Variants in CDH18 observed in about 807,000 individuals in gnomAD.
CDH18 encodes cadherin 18, also known as cadherin-18.
In CDH18, 31 loss-of-function variants were observed where a neutral mutation model predicts 67.9. The ratio of observed to expected loss-of-function variants is 0.46; its 90% CI spans 0.34 to 0.62. The LOEUF is 0.62. Ranked by LOEUF, CDH18 falls within the 20% of genes least tolerant of loss-of-function variation. The pLI is 0.01. For synonymous variants in CDH18, 362 were observed against 347.2 expected (o/e 1.04, Z -0.48); for missense variants, 890 against 975.5 (o/e 0.91, Z 1.17).
intron 3 of CDH18, among the ~76,000 whole-genome samples, chr5:19,748,045 G>T (rs1057030982): frequency 7.3e-6 from 1 of 136,660 alleles, no homozygotes; most frequent in East Asian, 2.3e-4. Flanking sequence ...CCTGGGAGGC[G>T]GAGCTTGCAG....
At chr5:19,524,838 C>T (rs572145178) in intron 9 of CDH18, among the ~76,000 whole-genome samples, 1 of 152,190 alleles carries the variant, frequency 6.6e-6, no homozygotes, top group Non-Finnish European at 1.5e-5. Flanking sequence ...CTCCGCCTCC[C>T]GGGTTCACGC....
At chr5:20,471,833 TA>T (rs70954659) in intron 1 of CDH18, among the ~76,000 whole-genome samples, 830 of 51,476 alleles carry the variant, frequency 0.016, 23 homozygotes, top group African/African-American at 0.044. Context: ...AGATTCAGTC[TA>T]AAAAAAAAAA....
chr5:20,387,928 T>C (rs1051638531), intron 1 of CDH18, among the ~76,000 whole-genome samples: 8 of 152,142 alleles, frequency 5.3e-5, no homozygotes, highest in Non-Finnish European at 1.2e-4. Flanking sequence ...CACTTGATCA[T>C]GGTGGATAAG....
intron 3 of CDH18, among the ~76,000 whole-genome samples, chr5:19,788,585 GTCCTA>G (rs1776049634): frequency 6.6e-6 from 1 of 152,062 alleles, no homozygotes; most frequent in Non-Finnish European, 1.5e-5. Context: ...CATCTCATAT[GTCCTA>G]TTGGCTTTCA....
chr5:19,801,204 C>A (rs1366746390), intron 3 of CDH18, among the ~76,000 whole-genome samples: 1 of 152,090 alleles, frequency 6.6e-6, no homozygotes, highest in East Asian at 1.9e-4. Context: ...TTTCCTTTAA[C>A]AGTATCTTTT....
upstream of CDH18, among the ~76,000 whole-genome samples, chr5:19,991,299 G>C (rs1438143905): frequency 6.6e-6 from 1 of 152,076 alleles, no homozygotes; most frequent in Non-Finnish European, 1.5e-5. Flanking sequence ...CAAACATGGT[G>C]CATTGGCTCA....
chr5:19,842,683 G>A (rs182102627), intron 2 of CDH18, among the ~76,000 whole-genome samples: 1 of 152,244 alleles, frequency 6.6e-6, no homozygotes, highest in Non-Finnish European at 1.5e-5. Flanking sequence ...AAGTGACTTT[G>A]GAACTAGATA....
intron 2 of CDH18, among the ~76,000 whole-genome samples, chr5:19,911,545 G>A (rs747587177): frequency 1.4e-4 from 22 of 151,848 alleles, no homozygotes; most frequent in Non-Finnish European, 2.6e-4. Context: ...AGGTTATGAC[G>A]GTGATGTTCC....
At chr5:19,962,288 T>C (rs1796984201) in intron 2 of CDH18, among the ~76,000 whole-genome samples, 1 of 150,068 alleles carries the variant, frequency 6.7e-6, no homozygotes, top group South Asian at 2.1e-4. Context: ...GCTAATCAGA[T>C]TTACTATTTA....
chr5:20,319,878 TG>T (rs1482005898), intron 1 of CDH18, among the ~76,000 whole-genome samples: 1 of 152,224 alleles, frequency 6.6e-6, no homozygotes, highest in Non-Finnish European at 1.5e-5. Flanking sequence ...ACTCCTGGTT[TG>T]GTACTCTAAT....
At chr5:19,617,755 T>C (rs1379814632) in intron 5 of CDH18, among the ~76,000 whole-genome samples, 1 of 152,166 alleles carries the variant, frequency 6.6e-6, no homozygotes, top group Non-Finnish European at 1.5e-5. Context: ...AGGTGCCCGA[T>C]TGCCTGCAAA....
chr5:20,368,826 C>T (rs184218613), intron 1 of CDH18, among the ~76,000 whole-genome samples: 1 of 152,214 alleles, frequency 6.6e-6, no homozygotes, highest in East Asian at 1.9e-4. Context: ...ATTCATTGCC[C>T]TCCATCTGTG....
intron 1 of CDH18, among the ~76,000 whole-genome samples, chr5:20,560,570 A>C (rs1055921539): frequency 6.6e-6 from 1 of 151,844 alleles, no homozygotes; most frequent in African/African-American, 2.4e-5. Flanking sequence ...AGAGATTCAG[A>C]GTGGAGAAAT....
At chr5:19,821,135 T>A (rs73761832) in intron 3 of CDH18, among the ~76,000 whole-genome samples, 1,659 of 152,144 alleles carry the variant, frequency 0.011, 30 homozygotes, top group African/African-American at 0.038. Context: ...GACATAGGAT[T>A]CAGAGTTTGG....
intron 2 of CDH18, among the ~76,000 whole-genome samples, chr5:20,095,044 C>T (rs1745769747): frequency 2.0e-5 from 3 of 151,876 alleles, no homozygotes. Flanking sequence ...TCTCAGCAAA[C>T]TAACACAGGG....
At chr5:19,552,157 C>T (rs1443795099) in intron 8 of CDH18, among the ~76,000 whole-genome samples, 2 of 152,220 alleles carry the variant, frequency 1.3e-5, no homozygotes, top group African/African-American at 2.4e-5. Context: ...TTCTTAATGT[C>T]ATCCTTCATA....
intron 1 of CDH18, among the ~76,000 whole-genome samples, chr5:20,297,396 G>C (rs1226456744): frequency 6.6e-6 from 1 of 152,204 alleles, no homozygotes; most frequent in Non-Finnish European, 1.5e-5. Context: ...AATTCAGCAA[G>C]TCTGACACCA....
chr5:20,280,686 A>G (rs1448223028), intron 1 of CDH18, among the ~76,000 whole-genome samples: 1 of 152,184 alleles, frequency 6.6e-6, no homozygotes, highest in East Asian at 1.9e-4. Context: ...ATGTGTTTTT[A>G]TAGCAGCATG....
At chr5:20,153,966 A>G (rs1466432310) in intron 2 of CDH18, among the ~76,000 whole-genome samples, 1 of 152,198 alleles carries the variant, frequency 6.6e-6, no homozygotes, top group African/African-American at 2.4e-5. Context: ...TACACATGAC[A>G]TATGTGCACA....
Sources: gnomAD v4.1 joint callset for allele counts (sites outside exome capture counted in the v4.1 genomes callset) on GRCh38, gnomAD v4.1.1 for gene constraint, MANE v1.5 for transcripts, NCBI Gene and HGNC (gene_info 2026-07-23, HGNC 2026-07-21) for gene names.